Variants in BRINP1 observed in about 807,000 individuals in gnomAD.
BRINP1 encodes BMP/retinoic acid inducible neural specific 1.
In BRINP1, 17 loss-of-function variants were observed where a neutral mutation model predicts 72.9. The observed-to-expected ratio is 0.23, with a 90% CI of 0.16 to 0.35. The LOEUF (loss-of-function observed/expected upper bound fraction) is 0.35, where lower values mean the gene tolerates loss of function less well. Ranked by LOEUF, BRINP1 falls within the 10% of genes least tolerant of loss-of-function variation. The pLI is 1.00. For missense variants in BRINP1, 850 were observed against 1,001.6 expected, an observed-to-expected ratio of 0.85 and a Z score of 2.04; for synonymous variants, 418 against 378.5, an observed-to-expected ratio of 1.10 and a Z score of -1.21.
At chr9:119,314,512 C>T (rs1048664347) in intron 1 of BRINP1, among the ~76,000 whole-genome samples, 4 of 152,148 alleles carry the variant, frequency 2.6e-5, no homozygotes, top group South Asian at 4.1e-4. Flanking sequence ...ACTACAGTCA[C>T]GTGCCACCAC....
At chr9:119,211,580 C>A (rs530268277) in intron 6 of BRINP1, among the ~76,000 whole-genome samples, 7 of 152,238 alleles carry the variant, frequency 4.6e-5, no homozygotes, top group African/African-American at 1.4e-4. Context: ...AGAAACTAGG[C>A]CCTATTTGGC....
chr9:119,233,951 C>T (rs2118902035), intron 5 of BRINP1, among the ~76,000 whole-genome samples: 1 of 152,246 alleles, frequency 6.6e-6, no homozygotes, highest in Non-Finnish European at 1.5e-5. Context: ...TAAGATTCTT[C>T]CATATTGTTG....
intron 3 of BRINP1, among the ~76,000 whole-genome samples, chr9:119,248,513 C>G (rs1013413803): frequency 6.6e-6 from 1 of 152,202 alleles, no homozygotes; most frequent in Non-Finnish European, 1.5e-5. Context: ...TTCCCATTAA[C>G]CTACTCTAAG....
chr9:119,313,475 G>C (rs1831090793), intron 1 of BRINP1, 70 bp from the exon 2 acceptor site: 7 of 1,335,720 alleles, frequency 5.2e-6, no homozygotes, highest in South Asian at 1.6e-5. Context: ...GAGGGGAAGA[G>C]GAGTAAAAGA....
chr9:119,170,418 G>A (rs1285526219), intron 7 of BRINP1, among the ~76,000 whole-genome samples: 4 of 149,832 alleles, frequency 2.7e-5, no homozygotes, highest in Non-Finnish European at 6.0e-5. Flanking sequence ...AAGTGAGAAG[G>A]GAAGTTTAGA....
In BRINP1 at chr9:119,272,093, A is replaced by C. The variant is rs1160948971; in HGVS notation, c.219-22943T>G. 2.2e-3 allele frequency among the ~76,000 whole-genome samples: 13 copies of C among 5,824 alleles called. No individual in the cohort carries two copies. The Admixed American group carries it at 0.04, about 18-fold the overall frequency. 3.8% of individuals were successfully genotyped at this position (5,824 alleles called of 152,430 possible). ...TTACTTTTTTGGTTTTTTTGAGACAAAAAAAAAAAAAAAAACAGCCTGTCA... is the reference window on the plus strand; with the variant it reads ...TTACTTTTTTGGTTTTTTTGAGACACAAAAAAAAAAAAAAACAGCCTGTCA... On this transcript the variant is annotated intron_variant, in intron 2 of 7. Transcript: ENST00000265922.
intron 2 of BRINP1, among the ~76,000 whole-genome samples, chr9:119,298,846 A>G (rs1830908760): frequency 6.6e-6 from 1 of 152,014 alleles, no homozygotes; most frequent in South Asian, 2.1e-4. Context: ...TTTACATACT[A>G]TTACCTGCTT....
chr9:119,198,784 G>A (rs1186023819), intron 7 of BRINP1, among the ~76,000 whole-genome samples: 2 of 151,440 alleles, frequency 1.3e-5, no homozygotes, highest in Non-Finnish European at 2.9e-5. Flanking sequence ...TGATTCTTGT[G>A]CCTCAGCCTC....
chr9:119,239,821 C>T (rs1377031669), intron 4 of BRINP1, among the ~76,000 whole-genome samples: 6 of 151,916 alleles, frequency 3.9e-5, no homozygotes, highest in Admixed American at 1.3e-4. Flanking sequence ...TTGTATTTTT[C>T]GTTTTGTTTT....
At position 119,181,291 on chromosome 9, in the gene BRINP1, C is replaced by G. The variant is rs1241946409; in HGVS notation, c.1146-13067G>C. ...CTACCCAGGGTCTAGTGGGCCTTAA[C>G]CCTGAAGTACAATAATGGTCATCTA... is the stretch of plus-strand genomic sequence containing the variant. On this transcript the variant is annotated intron_variant, in intron 7 of 7. Coordinates refer to ENST00000265922, the MANE Select transcript of BRINP1 (RefSeq NM_014618.3). 3.3e-5 allele frequency among the ~76,000 whole-genome samples: 5 copies of G among 152,210 alleles called. No homozygotes were observed. In the South Asian group the frequency reaches 6.2e-4, roughly 19 times the overall value.
intron 7 of BRINP1, among the ~76,000 whole-genome samples, chr9:119,195,914 C>T (rs1471271221): frequency 6.6e-6 from 1 of 152,128 alleles, no homozygotes; most frequent in Non-Finnish European, 1.5e-5. Context: ...TTTTGAGGAG[C>T]CCAATCTCTT....
chr9:119,217,002 C>T (rs1040238411), intron 5 of BRINP1, among the ~76,000 whole-genome samples: 9 of 152,062 alleles, frequency 5.9e-5, no homozygotes, highest in South Asian at 2.1e-4. Flanking sequence ...TGGGCAATTT[C>T]GAAAGAGAAC....
rs6151155 is a variant in BRINP1, at chr9:119,367,221, G to GATATATATAT, written c.-51+1825_-51+1834dup. ...TGTGTGTGTGTGTGTGTGTGTGATT[G>GATATATATAT]ATATATATATATATATATATATCTT... On this transcript the variant is annotated intron_variant, in intron 1 of 7. Coordinates refer to ENST00000265922, the MANE Select transcript of BRINP1 (RefSeq NM_014618.3). Among the ~76,000 whole-genome samples the GATATATATAT allele has an allele frequency of 9.4e-3, 938 of 99,836 alleles. 43 individuals carry two copies. The highest frequency in any genetic ancestry group is 0.028 in the African/African-American group (724 of 25,964). The allele number at this position is 99,836 out of a possible 152,430, so 65.5% of individuals were successfully genotyped here.
In BRINP1 at chr9:119,181,794, G is replaced by GA. The variant is rs959232743; in HGVS notation, c.1146-13571dup. Among the ~76,000 whole-genome samples, 28 of 149,876 alleles carry GA rather than the reference G, an allele frequency of 1.9e-4. No individual in the cohort carries two copies. In the East Asian group the frequency reaches 3.5e-3, roughly 19 times the overall value. Reference sequence around the variant, plus strand: ...TAACATGAGCTTTGGAATCCAAAAAGAAAAAAAAAGGAGTATTGAGTCATA... The same window carrying GA: ...TAACATGAGCTTTGGAATCCAAAAAGAAAAAAAAAAGGAGTATTGAGTCATA... On this transcript the variant is annotated intron_variant, in intron 7 of 7. Coordinates refer to ENST00000265922, the MANE Select transcript of BRINP1 (RefSeq NM_014618.3).
intron 1 of BRINP1, among the ~76,000 whole-genome samples, chr9:119,316,373 C>T (rs1204210500): frequency 1.3e-5 from 2 of 152,224 alleles, no homozygotes; most frequent in Non-Finnish European, 2.9e-5. Flanking sequence ...CAGGCGTGAG[C>T]CACCGTGCCC....
At chr9:119,235,786 T>G (rs1830187512) in intron 5 of BRINP1, among the ~76,000 whole-genome samples, 1 of 152,230 alleles carries the variant, frequency 6.6e-6, no homozygotes, top group Admixed American at 6.5e-5. Flanking sequence ...TAATTCATCA[T>G]TTTCATAAAA....
At chr9:119,173,531 C>T (rs578098303) in intron 7 of BRINP1, among the ~76,000 whole-genome samples, 13 of 152,156 alleles carry the variant, frequency 8.5e-5, no homozygotes, top group Admixed American at 7.2e-4. Context: ...TAGGAAGAAT[C>T]AATATCATGA....
intron 2 of BRINP1, among the ~76,000 whole-genome samples, chr9:119,299,331 GGGCC>G (rs1285267118): frequency 9.9e-5 from 15 of 152,038 alleles, no homozygotes; most frequent in Non-Finnish European, 2.2e-4. Context: ...GAGTACAAGT[GGGCC>G]GGGCGCGGTG....
In BRINP1 at chr9:119,167,809, G is replaced by A. The variant is rs987725274; in HGVS notation, c.1561C>T (p.Arg521Cys). ...RLDTFFDPRW[R>C]KRMSLTLKSN... Reference sequence around the variant, plus strand: ...TTGAGAGTGAGGGACATGCGCTTGCGCCACCGAGGGTCAAAGAAGGTGTCG... The same window carrying A: ...TTGAGAGTGAGGGACATGCGCTTGCACCACCGAGGGTCAAAGAAGGTGTCG... Residue 521 changes from arginine to cysteine, a missense_variant, in exon 8 of 8, where the codon CGC becomes TGC. Arg to Cys is a radical substitution (Grantham distance 180). Coordinates refer to ENST00000265922, the MANE Select transcript of BRINP1 (RefSeq NM_014618.3). This position sits in a 1 kb window ranked among gnomAD's most constrained non-coding sequence, Gnocchi z 4.3. The A allele has an allele frequency of 2.5e-6, 4 of 1,613,938 alleles. No homozygotes were observed. The highest frequency in any genetic ancestry group is 2.5e-6 in the Non-Finnish European group (3 of 1,180,000).
Sources: gnomAD v4.1 joint callset for allele counts (sites outside exome capture counted in the v4.1 genomes callset) on GRCh38, gnomAD v4.1.1 for gene constraint, Gnocchi (gnomAD v3.1) non-coding constraint, MANE v1.5 for transcripts, NCBI Gene and HGNC (gene_info 2026-07-23, HGNC 2026-07-21) for gene names.